Variants in POPDC2 observed in about 807,000 individuals in gnomAD.
POPDC2 encodes the protein popeye domain-containing protein 2.
Under a neutral mutation model 30.5 loss-of-function variants are expected in POPDC2, and 24 were observed. The ratio of observed to expected loss-of-function variants is 0.79; its 90% CI spans 0.57 to 1.11. The LOEUF (loss-of-function observed/expected upper bound fraction) is 1.11, where lower values mean the gene tolerates loss of function less well. POPDC2 is among the 50% of genes least tolerant of loss of function. The pLI is 0.00. For missense variants in POPDC2, 409 were observed against 447.0 expected, an observed-to-expected ratio of 0.91 and a Z score of 0.77; for synonymous variants, 185 against 183.3, an observed-to-expected ratio of 1.01 and a Z score of -0.07.
chr3:119,643,078 G>A (rs371893936), intron 3 of POPDC2, among the ~76,000 whole-genome samples: 9 of 152,298 alleles, frequency 5.9e-5, no homozygotes, highest in African/African-American at 1.9e-4. Flanking sequence ...GTGGCAGGTA[G>A]AGGTGGCACG....
At chr3:119,649,197 A>G (rs1348150429) in intron 2 of POPDC2, among the ~76,000 whole-genome samples, 2 of 152,168 alleles carry the variant, frequency 1.3e-5, no homozygotes, top group Non-Finnish European at 2.9e-5. Context: ...CAAGCCTGGG[A>G]TTCAGGTTGG....
At chr3:119,645,345 C>G (rs1361552879) in intron 3 of POPDC2, among the ~76,000 whole-genome samples, 3 of 152,094 alleles carry the variant, frequency 2.0e-5, no homozygotes, top group Admixed American at 6.5e-5. Context: ...GGCGGATCAC[C>G]ACGTCAGGAG....
Position 119,648,045 on chromosome 3 carries a change from TTTTTTG to T in POPDC2, c.*43+68_*43+73del. On this transcript the variant is annotated intron_variant, in intron 3 of 3. Coordinates refer to ENST00000493094, the MANE Select transcript of POPDC2 (RefSeq NM_001369919.2). ...AAGAGGAAATGTTCCACGAATGATTTTTTTTGCCCTAACAAGCTGAGTTAAGGCCAG... is the reference window on the plus strand; with the variant it reads ...AAGAGGAAATGTTCCACGAATGATTTCCCTAACAAGCTGAGTTAAGGCCAG... 4.1e-6 allele frequency: 5 copies of T among 1,220,714 alleles called. No homozygotes were observed. The South Asian group carries it at 8.7e-5, about 21-fold the overall frequency. 75.6% of individuals were successfully genotyped at this position (1,220,714 alleles called of 1,614,324 possible).
chr3:119,654,704 A>G lies in POPDC2; in HGVS notation c.492-91T>C, dbSNP rs2052860019. On this transcript the variant is annotated intron_variant, in intron 1 of 3. Transcript: ENST00000493094. ...AGTTAGGTGTCGCTGATTAACATGA[A>G]TCTTCCTGTAGAAATACTTTGCCTA... 6.2e-5 allele frequency: 55 copies of G among 887,124 alleles called. 2 individuals carry two copies. The South Asian group carries it at 7.8e-4, about 13-fold the overall frequency. 55.0% of individuals were successfully genotyped at this position (887,124 alleles called of 1,614,324 possible). A position where few individuals can be genotyped will look rare whatever the true frequency, so the allele number is the denominator to read the frequency against.
intron 1 of POPDC2, among the ~76,000 whole-genome samples, chr3:119,656,424 C>T (rs988321894): frequency 6.6e-6 from 1 of 152,144 alleles, no homozygotes; most frequent in Non-Finnish European, 1.5e-5. Flanking sequence ...TCTTGACTTG[C>T]CCATGACCAC....
chr3:119,644,282 T>G (rs1302452947), intron 3 of POPDC2, among the ~76,000 whole-genome samples: 2 of 152,368 alleles, frequency 1.3e-5, no homozygotes, highest in East Asian at 3.8e-4. Context: ...CAATTTATTT[T>G]GTGATAATGG....
At chr3:119,654,113 T>G (rs1023253926) in intron 2 of POPDC2, among the ~76,000 whole-genome samples, 2 of 151,900 alleles carry the variant, frequency 1.3e-5, no homozygotes, top group Admixed American at 1.3e-4. Context: ...TGCAAAACAA[T>G]GTGGTGTGTT....
At chr3:119,660,596 T>C (rs1049248401), upstream of POPDC2, 7 of 665,750 alleles carry the variant, frequency 1.1e-5, no homozygotes, top group Non-Finnish European at 1.5e-5. Flanking sequence ...TGATGGAACA[T>C]AGTACACTTC....
intron 2 of POPDC2, among the ~76,000 whole-genome samples, chr3:119,653,309 G>A (rs1019694585): frequency 4.6e-5 from 7 of 152,092 alleles, no homozygotes; most frequent in Non-Finnish European, 4.4e-5. Flanking sequence ...CCACATGCTA[G>A]CCATTCAATA....
Position 119,660,077 on chromosome 3 carries a change from C to A in POPDC2, c.347G>T (p.Cys116Phe). 1.2e-6 allele frequency: 2 copies of A among 1,614,220 alleles called. No individual in the cohort carries two copies. The highest frequency in any genetic ancestry group is 1.7e-6 in the Non-Finnish European group (2 of 1,180,040). Residue 116 changes from cysteine to phenylalanine, a missense_variant, in exon 1 of 4, where the codon TGC becomes TTC. Cys to Phe is a radical substitution (Grantham distance 205). Transcript: ENST00000493094. ...EEFDLLYKTL[C>F]LPLQVPLQTY... is the part of the protein sequence containing the mutation. ...CTGTAGGGGCACCTGCAAGGGCAGGCACAGCGTCTTGTAGAGGAGGTCAAA... is the reference window on the plus strand; with the variant it reads ...CTGTAGGGGCACCTGCAAGGGCAGGAACAGCGTCTTGTAGAGGAGGTCAAA...
chr3:119,654,895 TA>T (rs936829435), intron 1 of POPDC2, among the ~76,000 whole-genome samples: 1 of 151,884 alleles, frequency 6.6e-6, no homozygotes, highest in African/African-American at 2.4e-5. Context: ...GGGAAGCTTT[TA>T]AAAAAAAGCA....
At chr3:119,647,230 G>A (rs1212058674) in intron 3 of POPDC2, among the ~76,000 whole-genome samples, 1 of 152,182 alleles carries the variant, frequency 6.6e-6, no homozygotes, top group East Asian at 1.9e-4. Context: ...AACCATGGGA[G>A]GCGCCTTCCA....
chr3:119,642,355 T>A lies in POPDC2; in HGVS notation c.*250A>T, dbSNP rs1203088966. 1.4e-6 allele frequency: 1 copy of A among 699,326 alleles called. No homozygotes were observed. The highest frequency in any genetic ancestry group is 2.3e-5 in the Admixed American group (1 of 42,952). The allele number at this position is 699,326 out of a possible 1,614,324, so 43.3% of individuals were successfully genotyped here. A position where few individuals can be genotyped will look rare whatever the true frequency, so the allele number is the denominator to read the frequency against. On this transcript the variant is annotated 3_prime_UTR_variant, in exon 4 of 4. Coordinates refer to ENST00000493094, the MANE Select transcript of POPDC2 (RefSeq NM_001369919.2). The stretch of plus-strand genomic sequence containing the variant: ...AGCGACAGTGTTGGCACCTTCTGTG[T>A]CCTCTCTCACCTTGCCTGTGAGCCT...
intron 2 of POPDC2, among the ~76,000 whole-genome samples, chr3:119,651,814 C>A (rs1411354966): frequency 6.6e-6 from 1 of 151,896 alleles, no homozygotes; most frequent in Non-Finnish European, 1.5e-5. Context: ...TTTGTATTTT[C>A]TAATAGAGAT....
At chr3:119,643,486 C>A in intron 3 of POPDC2, 1 of 1,303,230 alleles carries the variant, frequency 7.7e-7, no homozygotes. Context: ...AGAGAGACTG[C>A]TAAACAATTG....
At position 119,648,610 on chromosome 3, in the gene POPDC2, T is replaced by G. The variant is rs138524770; in HGVS notation, c.659A>C (p.His220Pro). ...GTATCGCTCTTTGGTCAGAAGAAGA[T>G]GGAGACTTTTCCGGGGCCAGGAAAT... ...SYISWPRKSL[H>P]LLLTKERYIS... Residue 220 changes from histidine (H) to proline (P), a missense_variant, in exon 3 of 4, where the codon CAT becomes CCT. By Grantham distance (77) the His-to-Pro change is moderately conservative. Transcript: ENST00000493094. The G allele has an allele frequency of 1.6e-5, 26 of 1,613,984 alleles. No individual in the cohort carries two copies. In the African/African-American group the frequency reaches 3.3e-4, roughly 21 times the overall value.
chr3:119,659,837 G>A (rs1187042427), intron 1 of POPDC2, 96 bp downstream of exon 1: 18 of 1,412,412 alleles, frequency 1.3e-5, no homozygotes, highest in South Asian at 1.6e-5. Context: ...AAGGGGACAC[G>A]AAATGGAAAG....
chr3:119,651,211 C>T (rs2052804157), intron 2 of POPDC2, among the ~76,000 whole-genome samples: 1 of 152,204 alleles, frequency 6.6e-6, no homozygotes. Context: ...TTTGCACTGG[C>T]TCTTTCCTCT....
chr3:119,659,491 G>A (rs948359896), intron 1 of POPDC2, among the ~76,000 whole-genome samples: 5 of 152,214 alleles, frequency 3.3e-5, no homozygotes, highest in African/African-American at 4.8e-5. Context: ...ATTGTTCCCT[G>A]AATACAGTTG....
Sources: gnomAD v4.1 joint callset for allele counts (sites outside exome capture counted in the v4.1 genomes callset) on GRCh38, gnomAD v4.1.1 for gene constraint, MANE v1.5 for transcripts, NCBI Gene and HGNC (gene_info 2026-07-23, HGNC 2026-07-21) for gene names.